Variants in IMMP2L observed in about 807,000 individuals in gnomAD.
IMMP2L encodes the protein mitochondrial inner membrane protease subunit 2.
A neutral mutation model predicts 19.3 loss-of-function variants in IMMP2L; 18 were observed. That is an observed-to-expected ratio of 0.93 (90% CI 0.64 to 1.38). The LOEUF (loss-of-function observed/expected upper bound fraction) is 1.38, where lower values mean the gene tolerates loss of function less well. Ranked by LOEUF, IMMP2L falls within the 40% of genes most tolerant of loss-of-function variation. The pLI, the probability that IMMP2L is intolerant of heterozygous loss-of-function variation, is 0.00. For missense variants in IMMP2L, 233 were observed against 218.2 expected (o/e 1.07, Z -0.43); for synonymous variants, 76 against 73.0 (o/e 1.04, Z -0.21).
intron 3 of IMMP2L, among the ~76,000 whole-genome samples, chr7:111,015,510 C>A (rs1386401393): frequency 6.6e-6 from 1 of 152,070 alleles, no homozygotes; most frequent in Non-Finnish European, 1.5e-5. Flanking sequence ...CTTAACACTA[C>A]TAAAAAGTAT....
At chr7:110,823,315 A>G (rs1803198446) in intron 5 of IMMP2L, among the ~76,000 whole-genome samples, 1 of 152,024 alleles carries the variant, frequency 6.6e-6, no homozygotes, top group South Asian at 2.1e-4. Context: ...TTATAAAAAT[A>G]TAGTTGCATA....
intron 3 of IMMP2L, among the ~76,000 whole-genome samples, chr7:111,328,199 T>C (rs191774342): frequency 2.0e-5 from 3 of 151,838 alleles, no homozygotes; most frequent in African/African-American, 4.8e-5. Context: ...AAAAGTTATT[T>C]TGAAAACTGT....
At chr7:111,217,926 T>C (rs1408090071) in intron 3 of IMMP2L, among the ~76,000 whole-genome samples, 1 of 152,044 alleles carries the variant, frequency 6.6e-6, no homozygotes, top group Non-Finnish European at 1.5e-5. Flanking sequence ...TCGGTATCTC[T>C]CTGGAGGTGG....
At chr7:111,206,470 T>C (rs575196553) in intron 3 of IMMP2L, among the ~76,000 whole-genome samples, 1 of 152,254 alleles carries the variant, frequency 6.6e-6, no homozygotes, top group South Asian at 2.1e-4. Flanking sequence ...AGCGACCGAG[T>C]AAGTGACTGT....
At chr7:111,195,975 T>C (rs923737833) in intron 3 of IMMP2L, among the ~76,000 whole-genome samples, 1 of 152,034 alleles carries the variant, frequency 6.6e-6, no homozygotes, top group Admixed American at 6.6e-5. Context: ...CAAGTGATTC[T>C]CCCACCTTAG....
chr7:111,139,767 T>C (rs1019097493), intron 3 of IMMP2L, among the ~76,000 whole-genome samples: 1 of 152,124 alleles, frequency 6.6e-6, no homozygotes, highest in Non-Finnish European at 1.5e-5. Context: ...TAAAAAAAAC[T>C]ATTTTGAGCT....
chr7:111,175,116 T>C (rs768515352), intron 3 of IMMP2L, among the ~76,000 whole-genome samples: 3 of 151,862 alleles, frequency 2.0e-5, no homozygotes, highest in Non-Finnish European at 2.9e-5. Flanking sequence ...CGTTGCATTA[T>C]GTATTCCGGC....
intron 3 of IMMP2L, among the ~76,000 whole-genome samples, chr7:111,075,443 TAA>T (rs1314011463): frequency 6.6e-6 from 1 of 152,198 alleles, no homozygotes; most frequent in Non-Finnish European, 1.5e-5. Flanking sequence ...TACAGACACT[TAA>T]AAGTTTTATT....
chr7:111,523,526 T>C lies in IMMP2L; in HGVS notation c.-2-2077A>G, dbSNP rs190078634. 2.4e-3 allele frequency among the ~76,000 whole-genome samples: 366 copies of C among 152,250 alleles called. 2 individuals are homozygous for C. The highest frequency in any genetic ancestry group is 8.4e-3 in the African/African-American group (348 of 41,562). ...AATTGGCTAATTCTGAATTACCTAC[T>C]GTAACTGACATCAATGAGGGCTATA... On this transcript the variant is annotated intron_variant, in intron 1 of 5. Coordinates refer to ENST00000405709, the MANE Select transcript of IMMP2L (RefSeq NM_032549.4).
At chr7:111,109,260 GT>G (rs888699052) in intron 3 of IMMP2L, among the ~76,000 whole-genome samples, 107 of 148,928 alleles carry the variant, frequency 7.2e-4, no homozygotes, top group African/African-American at 2.0e-3. Flanking sequence ...CCATAATTAA[GT>G]TTTTTTTTTC....
At chr7:111,130,840 T>C (rs1254192269) in intron 3 of IMMP2L, among the ~76,000 whole-genome samples, 2 of 151,944 alleles carry the variant, frequency 1.3e-5, no homozygotes, top group Non-Finnish European at 2.9e-5. Context: ...CTAGTAAACA[T>C]CTCTTTAATA....
At chr7:111,028,372 C>G (rs1210945827) in intron 3 of IMMP2L, among the ~76,000 whole-genome samples, 1 of 152,034 alleles carries the variant, frequency 6.6e-6, no homozygotes, top group Admixed American at 6.6e-5. Flanking sequence ...CTTGGACTCT[C>G]CCACATTCTC....
intron 1 of IMMP2L, among the ~76,000 whole-genome samples, chr7:111,542,487 GA>G (rs2132981772): frequency 1.3e-5 from 2 of 152,200 alleles, no homozygotes; most frequent in African/African-American, 4.8e-5. Flanking sequence ...CAAGGTCAAA[GA>G]AACAGTAAGT....
intron 3 of IMMP2L, among the ~76,000 whole-genome samples, chr7:111,260,202 AC>A: frequency 6.6e-6 from 1 of 152,280 alleles, no homozygotes; most frequent in Non-Finnish European, 1.5e-5. Context: ...TTTGGGCTAG[AC>A]TTTTATACAA....
rs1829325953 is a variant in IMMP2L, at chr7:111,362,223, T to C, written c.239+125015A>G. ...TTCCAGTTATCTCCCCATAGGATTT[T>C]ACCCTAATGTAATCGTTTTTATTTC... On this transcript the variant is annotated intron_variant, in intron 3 of 5. Coordinates refer to ENST00000405709, the MANE Select transcript of IMMP2L (RefSeq NM_032549.4). 2.0e-5 allele frequency among the ~76,000 whole-genome samples: 3 copies of C among 152,108 alleles called. No individual in the cohort carries two copies. The South Asian group carries it at 6.2e-4, about 32-fold the overall frequency.
chr7:111,250,038 G>A (rs1431103249), intron 3 of IMMP2L, among the ~76,000 whole-genome samples: 1 of 152,122 alleles, frequency 6.6e-6, no homozygotes, highest in Non-Finnish European at 1.5e-5. Flanking sequence ...TCCTTAAGCT[G>A]ATAAGCAATT....
At chr7:110,755,255 A>G (rs1797971785) in intron 5 of IMMP2L, among the ~76,000 whole-genome samples, 1 of 152,122 alleles carries the variant, frequency 6.6e-6, no homozygotes, top group Non-Finnish European at 1.5e-5. Flanking sequence ...GCTTTTAAAT[A>G]AATACAACAA....
chr7:110,871,649 A>G (rs1808548725), intron 5 of IMMP2L, among the ~76,000 whole-genome samples: 1 of 152,140 alleles, frequency 6.6e-6, no homozygotes, highest in African/African-American at 2.4e-5. Context: ...CTGACCTGCA[A>G]AAGAAATATT....
chr7:111,334,776 C>A (rs1045706389), intron 3 of IMMP2L, among the ~76,000 whole-genome samples: 9 of 152,014 alleles, frequency 5.9e-5, no homozygotes, highest in African/African-American at 2.2e-4. Context: ...TAAGATAATA[C>A]CAGACTACTA....
Sources: allele counts gnomAD v4.1 joint callset (sites outside exome capture counted in the v4.1 genomes callset), GRCh38; gene constraint gnomAD v4.1.1; transcripts MANE v1.5; gene names NCBI Gene and HGNC (gene_info 2026-07-23, HGNC 2026-07-21).